GABRA2: variants seen among roughly 807,000 people sequenced by gnomAD.
GABRA2 encodes the protein gamma-aminobutyric acid type A receptor subunit alpha2, also known as gamma-aminobutyric acid receptor subunit alpha-2.
GABRA2 carries 16 observed loss-of-function variants against 48.7 expected under a neutral mutation model. The observed-to-expected ratio is 0.33, with a 90% CI of 0.22 to 0.50. The LOEUF is 0.50. Among genes scored for constraint, GABRA2 ranks in the 20% least tolerant of loss-of-function variants. The pLI is 0.98. For synonymous variants in GABRA2, 185 were observed against 184.5 expected, an observed-to-expected ratio of 1.00 and a Z score of -0.02; for missense variants, 275 against 535.6, an observed-to-expected ratio of 0.51 and a Z score of 4.80.
Position 46,359,400 on chromosome 4 carries a change from A to C in GABRA2, c.187+26674T>G, listed in dbSNP as rs1712780722. On this transcript the variant is annotated intron_variant, in intron 3 of 9. Coordinates refer to ENST00000381620, the MANE Select transcript of GABRA2 (RefSeq NM_000807.4). ...TTATAATCATTATACTCAACTTTGT[A>C]GAACTCAAGAAAAGATACTATCAGC... 2.6e-5 allele frequency among the ~76,000 whole-genome samples: 4 copies of C among 152,144 alleles called. No homozygotes were observed. The South Asian group carries it at 6.2e-4, about 24-fold the overall frequency.
intron 8 of GABRA2, among the ~76,000 whole-genome samples, chr4:46,292,893 T>C (rs1280014503): frequency 1.3e-5 from 2 of 152,216 alleles, no homozygotes; most frequent in Non-Finnish European, 2.9e-5. Context: ...TGCTCTTCTC[T>C]GTATGTCAGA....
At chr4:46,267,480 T>A (rs1429063465) in intron 8 of GABRA2, among the ~76,000 whole-genome samples, 3 of 152,052 alleles carry the variant, frequency 2.0e-5, no homozygotes, top group African/African-American at 7.2e-5. Flanking sequence ...TCTAATGATT[T>A]TTTTTTCCTG....
intron 7 of GABRA2, 51 bp from the exon 8 acceptor site, chr4:46,303,663 A>C: frequency 3.3e-6 from 5 of 1,523,014 alleles, no homozygotes; most frequent in Non-Finnish European, 4.5e-6. Context: ...TACTTTGAAC[A>C]TTTAGGAAAT....
chr4:46,288,704 A>T (rs1723016919), intron 8 of GABRA2, among the ~76,000 whole-genome samples: 1 of 152,222 alleles, frequency 6.6e-6, no homozygotes, highest in Admixed American at 6.5e-5. Context: ...AAAAGTAAAA[A>T]TTGACAAATG....
At chr4:46,275,361 A>G (rs184383214) in intron 8 of GABRA2, among the ~76,000 whole-genome samples, 336 of 152,248 alleles carry the variant, frequency 2.2e-3, no homozygotes, top group Non-Finnish European at 3.8e-3. Context: ...AACATTTGAG[A>G]GGTGATTTCC....
intron 9 of GABRA2, chr4:46,256,176 T>C: frequency 3.2e-6 from 2 of 624,330 alleles, no homozygotes; most frequent in Admixed American, 2.4e-5. Context: ...TCATCCTGAC[T>C]GAGAAAAGTG....
rs190713451 is a variant in GABRA2 at position 46,298,763 on chromosome 4, G to C, written c.856+4697C>G. ...AACATCATAAGAGAACAATGGAAGG[G>C]GAGCTTTTTTAGAAATGTTTAGGGC... On this transcript the variant is annotated intron_variant, in intron 8 of 9. Coordinates refer to ENST00000381620, the MANE Select transcript of GABRA2 (RefSeq NM_000807.4). Among the ~76,000 whole-genome samples the C allele has an allele frequency of 4.5e-3, 684 of 151,926 alleles. 11 individuals carry two copies. The highest frequency in any genetic ancestry group is 4.4e-3 in the Non-Finnish European group (299 of 67,802).
In GABRA2 at chr4:46,330,589, T is replaced by TAGAGAGAGAGAGAG. The variant is rs1322712224; in HGVS notation, c.255+2025_255+2026insCTCTCTCTCTCTCT. Among the ~76,000 whole-genome samples, 216 of 124,658 alleles carry TAGAGAGAGAGAGAG rather than the reference T, an allele frequency of 1.7e-3. No homozygotes were observed. The East Asian group carries it at 0.026, about 15-fold the overall frequency. The allele number at this position is 124,658 out of a possible 152,430, so 81.8% of individuals were successfully genotyped here. On this transcript the variant is annotated intron_variant, in intron 4 of 9. Coordinates refer to ENST00000381620, the MANE Select transcript of GABRA2 (RefSeq NM_000807.4). ...ATATATATATATATATATATATATA[T>TAGAGAGAGAGAGAG]ATAGAGAGAGAGAGAGAGAGATGTT...
In GABRA2 at chr4:46,328,772, G is replaced by C. The variant is rs552740103; in HGVS notation, c.255+3843C>G. 7.9e-5 allele frequency among the ~76,000 whole-genome samples: 12 copies of C among 151,988 alleles called. 1 individual carries two copies. The highest frequency in any genetic ancestry group is 2.4e-4 in the African/African-American group (10 of 41,486). On this transcript the variant is annotated intron_variant, in intron 4 of 9. Coordinates refer to ENST00000381620, the MANE Select transcript of GABRA2 (RefSeq NM_000807.4). ...TTAGGTATATCATTCTTTTTATTTA[G>C]AGTGTCACAGCCACGTCTCATTGCT... is the stretch of plus-strand genomic sequence containing the variant.
chr4:46,319,236 T>C (rs926355116), intron 4 of GABRA2, among the ~76,000 whole-genome samples: 4 of 151,822 alleles, frequency 2.6e-5, no homozygotes, highest in South Asian at 2.1e-4. Flanking sequence ...TCAGTACTTA[T>C]AGCCAATTCC....
At chr4:46,314,193 CG>C (rs1457714850) in intron 4 of GABRA2, among the ~76,000 whole-genome samples, 1 of 152,058 alleles carries the variant, frequency 6.6e-6, no homozygotes, top group African/African-American at 2.4e-5. Context: ...GCAAGTTTCA[CG>C]TAAGTATTTC....
chr4:46,284,789 T>A (rs1456994320), intron 8 of GABRA2, among the ~76,000 whole-genome samples: 3 of 151,952 alleles, frequency 2.0e-5, no homozygotes, highest in African/African-American at 7.2e-5. Flanking sequence ...TATTAATTTT[T>A]TAAAAAAAAT....
At chr4:46,384,796 T>C (rs999427493) in intron 3 of GABRA2, among the ~76,000 whole-genome samples, 1 of 152,148 alleles carries the variant, frequency 6.6e-6, no homozygotes, top group Non-Finnish European at 1.5e-5. Flanking sequence ...CTTATGTTCG[T>C]GCTTGTTAGG....
In GABRA2 at chr4:46,261,914, G is replaced by A; in HGVS notation, c.1059+12C>T. On this transcript the variant is annotated intron_variant, in intron 9 of 9. Transcript: ENST00000381620. ...TTTTCTTAATAATGATAACACGGAA[G>A]CTCTCACTTACCTTGTCATTTACTA... 1 of 1,603,180 alleles carries A rather than the reference G, an allele frequency of 6.2e-7. No homozygotes were observed. The highest frequency in any genetic ancestry group is 1.1e-5 in the South Asian group (1 of 90,864).
intron 8 of GABRA2, 82 bp downstream of exon 8, chr4:46,303,378 T>A (rs546729120): frequency 2.9e-6 from 4 of 1,363,416 alleles, no homozygotes; most frequent in Non-Finnish European, 3.1e-6. Flanking sequence ...AAATAATTAG[T>A]TTGAGGATCA....
intron 7 of GABRA2, 38 bp from the exon 8 acceptor site, chr4:46,303,650 C>CAA: frequency 6.3e-7 from 1 of 1,575,282 alleles, no homozygotes; most frequent in Non-Finnish European, 8.7e-7. Flanking sequence ...GAGTAATAGT[C>CAA]AATACTTTGA....
At chr4:46,307,734 G>C (rs1485470442) in intron 6 of GABRA2, among the ~76,000 whole-genome samples, 1 of 152,114 alleles carries the variant, frequency 6.6e-6, no homozygotes, top group Admixed American at 6.6e-5. Context: ...AAAAGCTCAA[G>C]AGTTTATTAA....
chr4:46,357,216 C>T (rs1013486639), intron 3 of GABRA2, among the ~76,000 whole-genome samples: 1 of 151,622 alleles, frequency 6.6e-6, no homozygotes, highest in African/African-American at 2.4e-5. Context: ...TGACTATGAC[C>T]ATACATCTAA....
At chr4:46,284,871 TA>T (rs1384897398) in intron 8 of GABRA2, among the ~76,000 whole-genome samples, 3 of 152,024 alleles carry the variant, frequency 2.0e-5, no homozygotes, top group Non-Finnish European at 4.4e-5. Context: ...ACCCACAACG[TA>T]AAGCTTTGGA....
Sources: allele counts gnomAD v4.1 joint callset (sites outside exome capture counted in the v4.1 genomes callset), GRCh38; gene constraint gnomAD v4.1.1; transcripts MANE v1.5; gene names NCBI Gene and HGNC (gene_info 2026-07-23, HGNC 2026-07-21).